PARD3: variants seen among roughly 807,000 people sequenced by gnomAD.
PARD3 encodes par-3 family cell polarity regulator.
PARD3 carries 75 observed loss-of-function variants against 155.4 expected under a neutral mutation model. That is an observed-to-expected ratio of 0.48 (90% CI 0.40 to 0.58). The LOEUF is 0.58. PARD3 is among the 20% of genes least tolerant of loss of function. PARD3 has a pLI of 0.00. For missense variants in PARD3, 1,642 were observed against 1,721.7 expected, an observed-to-expected ratio of 0.95 and a Z score of 0.82; for synonymous variants, 576 against 610.5, an observed-to-expected ratio of 0.94 and a Z score of 0.83.
intron 20 of PARD3, among the ~76,000 whole-genome samples, chr10:34,300,841 C>T (rs968688521): frequency 2.0e-5 from 3 of 152,276 alleles, no homozygotes; most frequent in South Asian, 2.1e-4. Context: ...TCCCAACATA[C>T]AAGAGAAAGG....
chr10:34,810,047 C>CA (rs1843920706), intron 1 of PARD3, among the ~76,000 whole-genome samples: 1 of 151,994 alleles, frequency 6.6e-6, no homozygotes, highest in South Asian at 2.1e-4. Context: ...CTCCCGCCAC[C>CA]AAAAAAGCAC....
At chr10:34,547,846 G>A (rs910648108) in intron 2 of PARD3, among the ~76,000 whole-genome samples, 5 of 152,160 alleles carry the variant, frequency 3.3e-5, no homozygotes, top group African/African-American at 7.2e-5. Context: ...CTGGCCCTAC[G>A]TGTTGATAAC....
intron 1 of PARD3, among the ~76,000 whole-genome samples, chr10:34,785,058 T>G (rs1588735093): frequency 6.6e-6 from 1 of 152,236 alleles, no homozygotes; most frequent in Non-Finnish European, 1.5e-5. Flanking sequence ...TTAAACTGAT[T>G]ACTTAATATA....
chr10:34,528,730 C>T (rs758574201), intron 2 of PARD3, among the ~76,000 whole-genome samples: 4 of 152,162 alleles, frequency 2.6e-5, no homozygotes, highest in East Asian at 3.9e-4. Flanking sequence ...CTGAAAACTG[C>T]GGGGTGTCAT....
chr10:34,153,188 G>A (rs1046593239), intron 22 of PARD3, among the ~76,000 whole-genome samples: 2 of 152,134 alleles, frequency 1.3e-5, no homozygotes, highest in Non-Finnish European at 1.5e-5. Context: ...AAAGCTCACT[G>A]CAGCCTTAAA....
intron 2 of PARD3, among the ~76,000 whole-genome samples, chr10:34,551,699 C>T (rs898906015): frequency 2.0e-5 from 3 of 152,132 alleles, no homozygotes; most frequent in East Asian, 3.9e-4. Context: ...GCTCAGGCTG[C>T]GGTTAGGCCA....
chr10:34,557,165 G>A (rs558209809), intron 2 of PARD3, among the ~76,000 whole-genome samples: 19 of 152,222 alleles, frequency 1.2e-4, no homozygotes, highest in African/African-American at 4.6e-4. Flanking sequence ...GCCAAAGTGG[G>A]CTACTCCTCC....
Position 34,341,754 on chromosome 10 carries a change from C to T in PARD3, c.2281G>A (p.Asp761Asn), listed in dbSNP as rs1360866927. The change falls in exon 16 of 25, where the codon GAC becomes AAC. Residue 761 changes from aspartate to asparagine, a missense_variant. Asp to Asn is a conservative substitution (Grantham distance 23). Around this residue, in one of 3 missense-constraint regions of PARD3, gnomAD observed 1,529 missense variants for 1,587.3 expected, o/e 0.96. Transcript: ENST00000374788. ...PQDDTVIIED[D>N]RLPVLPPHLS... ...TGTGGAGGAAGCACTGGCAACCTGT[C>T]ATCTTCTATAATGACAGTGTCATCT... is the stretch of plus-strand genomic sequence containing the variant. 8.7e-6 allele frequency: 14 copies of T among 1,613,444 alleles called. No homozygotes were observed. The highest frequency in any genetic ancestry group is 1.2e-5 in the Non-Finnish European group (14 of 1,179,550).
Position 34,198,500 on chromosome 10 carries a change from G to A in PARD3, c.3420-66917C>T, listed in dbSNP as rs191888280. Reference sequence around the variant, plus strand: ...TGTGTGTGTGTGTATGTGTGTGTGTGTCTGTGAAGAGATAACTGGAAGGAT... The same window carrying A: ...TGTGTGTGTGTGTATGTGTGTGTGTATCTGTGAAGAGATAACTGGAAGGAT... On this transcript the variant is annotated intron_variant, in intron 22 of 24. Coordinates refer to ENST00000374788, the MANE Select transcript of PARD3 (RefSeq NM_001184785.2). Among the ~76,000 whole-genome samples the A allele has an allele frequency of 3.3e-3, 503 of 151,946 alleles. 2 individuals are homozygous for A. Among genetic ancestry groups the A allele is most frequent in the Middle Eastern group, 6.8e-3 (2 of 294 alleles).
chr10:34,579,268 CA>C lies in PARD3; in HGVS notation c.223-62110del, dbSNP rs11463688. On this transcript the variant is annotated intron_variant, in intron 2 of 24. Coordinates refer to ENST00000374788, the MANE Select transcript of PARD3 (RefSeq NM_001184785.2). The stretch of plus-strand genomic sequence containing the variant: ...CTGGGCAACAGAGTGAGACTGGTCT[CA>C]AAAAAAAAAAAAAGAAAAAGAAAAT... 1.1e-3 allele frequency among the ~76,000 whole-genome samples: 145 copies of C among 136,124 alleles called. 1 individual carries two copies. The highest frequency in any genetic ancestry group is 1.1e-3 in the Non-Finnish European group (68 of 61,962). 89.3% of individuals were successfully genotyped at this position (136,124 alleles called of 152,430 possible). A position where few individuals can be genotyped will look rare whatever the true frequency, so the allele number is the denominator to read the frequency against.
At chr10:34,501,681 T>A (rs572687236) in intron 3 of PARD3, among the ~76,000 whole-genome samples, 7 of 152,054 alleles carry the variant, frequency 4.6e-5, no homozygotes, top group African/African-American at 1.4e-4. Context: ...CCGTAAATAT[T>A]TAAATGCATG....
chr10:34,553,826 C>T (rs2084785586), intron 2 of PARD3, among the ~76,000 whole-genome samples: 1 of 152,146 alleles, frequency 6.6e-6, no homozygotes, highest in African/African-American at 2.4e-5. Context: ...AACCTTACAA[C>T]ACTAAAAAGG....
At chr10:34,625,774 G>A (rs1160566724) in intron 2 of PARD3, among the ~76,000 whole-genome samples, 1 of 152,180 alleles carries the variant, frequency 6.6e-6, no homozygotes, top group Admixed American at 6.5e-5. Context: ...AGCCAGGCGT[G>A]ATGGCGCATG....
At chr10:34,363,126 T>G (rs1839615169) in intron 12 of PARD3, among the ~76,000 whole-genome samples, 1 of 152,248 alleles carries the variant, frequency 6.6e-6, no homozygotes, top group African/African-American at 2.4e-5. Context: ...GAATCTTCAG[T>G]TGCCTTTTCA....
chr10:34,230,792 C>T (rs1016365195), intron 22 of PARD3, among the ~76,000 whole-genome samples: 2 of 152,086 alleles, frequency 1.3e-5, no homozygotes, highest in Non-Finnish European at 2.9e-5. Flanking sequence ...CTTTGGGAGG[C>T]TAGGGCGGGA....
chr10:34,533,409 A>G (rs77952656), intron 2 of PARD3, among the ~76,000 whole-genome samples: 3,542 of 152,210 alleles, frequency 0.023, 140 homozygotes, highest in African/African-American at 0.081. Context: ...ACCTGCACAT[A>G]TATCTCCTGA....
At chr10:34,568,368 T>C (rs1378254936) in intron 2 of PARD3, among the ~76,000 whole-genome samples, 2 of 152,212 alleles carry the variant, frequency 1.3e-5, no homozygotes, top group African/African-American at 4.8e-5. Flanking sequence ...GAGGACTTAA[T>C]TCATTAGGAT....
intron 1 of PARD3, among the ~76,000 whole-genome samples, chr10:34,775,814 T>G (rs1475414630): frequency 6.6e-6 from 1 of 152,202 alleles, no homozygotes; most frequent in African/African-American, 2.4e-5. Flanking sequence ...TAGGTATTAT[T>G]CTAGAATTTA....
chr10:34,214,958 G>T (rs1564488954), intron 22 of PARD3, among the ~76,000 whole-genome samples: 1 of 152,230 alleles, frequency 6.6e-6, no homozygotes, highest in African/African-American at 2.4e-5. Context: ...TGCTAGTTTT[G>T]TTAAGGGTTG....
Sources: allele counts gnomAD v4.1 joint callset (sites outside exome capture counted in the v4.1 genomes callset), GRCh38; gene constraint gnomAD v4.1.1; regional missense constraint gnomAD v4.1.1; transcripts MANE v1.5; gene names NCBI Gene and HGNC (gene_info 2026-07-23, HGNC 2026-07-21).